Variants in MFNG observed in about 807,000 individuals in gnomAD.
The protein encoded by MFNG is beta-1,3-N-acetylglucosaminyltransferase manic fringe.
In MFNG, 24 loss-of-function variants were observed where a neutral mutation model predicts 34.2. That is an observed-to-expected ratio of 0.70 (90% CI 0.51 to 0.99). The LOEUF (loss-of-function observed/expected upper bound fraction) is 0.99, where lower values mean the gene tolerates loss of function less well. MFNG is among the 50% of genes least tolerant of loss of function. The probability of loss-of-function intolerance (pLI) is 0.00; values close to 1 mark genes in which losing one functional copy is unlikely to be tolerated. For synonymous variants in MFNG, 158 were observed against 179.2 expected (o/e 0.88, Z 0.94); for missense variants, 383 against 424.0 (o/e 0.90, Z 0.85).
Position 37,485,352 on chromosome 22 carries a change from C to G in MFNG, c.255+571G>C, listed in dbSNP as rs536441124. 2.1e-4 allele frequency among the ~76,000 whole-genome samples: 32 copies of G among 152,350 alleles called. No homozygotes were observed. Among genetic ancestry groups the G allele is most frequent in the African/African-American group, 7.2e-4 (30 of 41,584 alleles). ...CCAGACATGGCGGCCTCGGCACACC[C>G]GGGGCAGCAGAGACACAGCGGCAGG... On this transcript the variant is annotated intron_variant, in intron 1 of 7. Coordinates refer to ENST00000356998, the MANE Select transcript of MFNG (RefSeq NM_002405.4). The surrounding 1 kb of genome is among the most constrained non-coding windows in gnomAD (Gnocchi z 5.3).
intron 5 of MFNG, among the ~76,000 whole-genome samples, chr22:37,475,804 G>A (rs1468547986): frequency 6.6e-6 from 1 of 152,322 alleles, no homozygotes; most frequent in South Asian, 2.1e-4. Flanking sequence ...TTTAGAGGTG[G>A]GCAGAAGCCT....
At chr22:37,475,625 C>T (rs1417081315) in intron 5 of MFNG, among the ~76,000 whole-genome samples, 1 of 152,148 alleles carries the variant, frequency 6.6e-6, no homozygotes, top group Non-Finnish European at 1.5e-5. Flanking sequence ...ATGCCGCTGC[C>T]CTGGATGCTT....
chr22:37,470,039 G>A lies in MFNG; in HGVS notation c.900-10C>T. On this transcript the variant is annotated splice_polypyrimidine_tract_variant and intron_variant, in intron 7 of 7. Transcript: ENST00000356998. ...ATGGAGGGAGCGAAATCTGCAGAGAGACCAGAAAAGGACAGGATGGTCACC... is the reference window on the plus strand; with the variant it reads ...ATGGAGGGAGCGAAATCTGCAGAGAAACCAGAAAAGGACAGGATGGTCACC... 1 of 1,594,188 alleles carries A rather than the reference G, an allele frequency of 6.3e-7. No individual in the cohort carries two copies. The highest frequency in any genetic ancestry group is 8.6e-7 in the Non-Finnish European group (1 of 1,168,332).
rs565237800 is a variant in MFNG, at chr22:37,485,107, G to A, written c.255+816C>T. On this transcript the variant is annotated intron_variant, in intron 1 of 7. Transcript: ENST00000356998. The surrounding 1 kb of genome is among the most constrained non-coding windows in gnomAD (Gnocchi z 5.3). Reference sequence around the variant, plus strand: ...GAAAGGGCTGGAAGGGACTTGGCTCGCCGGAGCCGCACAGCCATGTGACAG... The same window carrying A: ...GAAAGGGCTGGAAGGGACTTGGCTCACCGGAGCCGCACAGCCATGTGACAG... 7.8e-4 allele frequency among the ~76,000 whole-genome samples: 118 copies of A among 152,188 alleles called. No individual in the cohort carries two copies. The highest frequency in any genetic ancestry group is 3.8e-4 in the Non-Finnish European group (26 of 67,998).
At chr22:37,472,075 T>C (rs1921830481) in intron 7 of MFNG, among the ~76,000 whole-genome samples, 1 of 151,632 alleles carries the variant, frequency 6.6e-6, no homozygotes, top group Non-Finnish European at 1.5e-5. Flanking sequence ...AAAATAAAAA[T>C]CCCCCACCAG....
chr22:37,474,602 G>A lies in MFNG; in HGVS notation c.723C>T (p.Cys241=), dbSNP rs769624596. Residue 241 remains cysteine, a synonymous_variant, in exon 6 of 8, where the codon TGC becomes TGT. Transcript: ENST00000356998. ...DDCTMGYIIE[C]KLGGRLQPSP... ...TGGGCTGCAGGCGGCCGCCCAGCTTGCACTCAATGATATAGCCCATGGTGC... is the reference window on the plus strand; with the variant it reads ...TGGGCTGCAGGCGGCCGCCCAGCTTACACTCAATGATATAGCCCATGGTGC... 2 of 1,614,142 alleles carry A rather than the reference G, an allele frequency of 1.2e-6. No homozygotes were observed. Among genetic ancestry groups the A allele is most frequent in the South Asian group, 1.1e-5 (1 of 91,074 alleles).
Position 37,485,861 on chromosome 22 carries a change from G to A in MFNG, c.255+62C>T, listed in dbSNP as rs1384555832. On this transcript the variant is annotated intron_variant, in intron 1 of 7. Transcript: ENST00000356998. The surrounding 1 kb of genome is among the most constrained non-coding windows in gnomAD (Gnocchi z 5.3). ...GTCAGGGACCCCAGCCCAGTAGAAA[G>A]GCCTCTGAGAACCCCTTAGGCCAGG... 12 of 1,544,210 alleles carry A rather than the reference G, an allele frequency of 7.8e-6. No individual in the cohort carries two copies. Among genetic ancestry groups the A allele is most frequent in the Non-Finnish European group, 1.1e-5 (12 of 1,142,182 alleles).
chr22:37,469,903 C>T lies in MFNG; in HGVS notation c.*60G>A. ...CACTTGCCAGGGACCCACAGTGCCACCTTGGGAGCCAAGGCACACCCAGAA... is the reference window on the plus strand; with the variant it reads ...CACTTGCCAGGGACCCACAGTGCCATCTTGGGAGCCAAGGCACACCCAGAA... On this transcript the variant is annotated 3_prime_UTR_variant, in exon 8 of 8. Coordinates refer to ENST00000356998, the MANE Select transcript of MFNG (RefSeq NM_002405.4). 7.2e-7 allele frequency: 1 copy of T among 1,390,494 alleles called. No individual in the cohort carries two copies. The highest frequency in any genetic ancestry group is 1.0e-6 in the Non-Finnish European group (1 of 996,736). 86.1% of individuals were successfully genotyped at this position (1,390,494 alleles called of 1,614,324 possible).
chr22:37,474,788 G>A, intron 5 of MFNG, 111 bp from the exon 6 acceptor site: 1 of 1,187,768 alleles, frequency 8.4e-7, no homozygotes, highest in Admixed American at 2.7e-5. Context: ...CAGAGCACCT[G>A]CCTCCTGCAT....
At chr22:37,484,520 CCCTCAGG>C (rs1922450109) in intron 1 of MFNG, 1 of 152,408 alleles carries the variant, frequency 6.6e-6, no homozygotes, top group South Asian at 2.1e-4. Flanking sequence ...GGGCTCTGTC[CCCTCAGG>C]CCTTCTGCGT....
rs532305237 is a variant in MFNG, at chr22:37,473,233, T to C, written c.814-705A>G. On this transcript the variant is annotated intron_variant, in intron 6 of 7. Coordinates refer to ENST00000356998, the MANE Select transcript of MFNG (RefSeq NM_002405.4). ...CAGGTGGATTACTTGAGGTCAGGAGTTCGAGACCAGCCTGGCCAACATGGT... is the reference window on the plus strand; with the variant it reads ...CAGGTGGATTACTTGAGGTCAGGAGCTCGAGACCAGCCTGGCCAACATGGT... Among the ~76,000 whole-genome samples the C allele has an allele frequency of 2.6e-5, 4 of 151,812 alleles. No individual in the cohort carries two copies. In the East Asian group the frequency reaches 7.8e-4, roughly 29 times the overall value.
chr22:37,473,932 G>A (rs1023121027), intron 6 of MFNG, among the ~76,000 whole-genome samples: 2 of 152,216 alleles, frequency 1.3e-5, no homozygotes, highest in African/African-American at 2.4e-5. Flanking sequence ...CAGCCTCTCC[G>A]AGGCAGAGCC....
intron 7 of MFNG, 41 bp downstream of exon 7, chr22:37,472,402 C>T (rs1359701225): frequency 2.7e-6 from 4 of 1,468,164 alleles, no homozygotes; most frequent in Non-Finnish European, 3.7e-6. Context: ...CTGGACTCAG[C>T]CCCCACTCCT....
At chr22:37,471,552 C>T (rs1170468543) in intron 7 of MFNG, among the ~76,000 whole-genome samples, 2 of 152,080 alleles carry the variant, frequency 1.3e-5, no homozygotes, top group South Asian at 2.1e-4. Flanking sequence ...ATAGCTGGGC[C>T]GGGGGCAGCG....
At chr22:37,480,109 G>C in intron 3 of MFNG, 88 bp downstream of exon 3, 2 of 1,023,144 alleles carry the variant, frequency 2.0e-6, no homozygotes, top group Non-Finnish European at 2.9e-6. Context: ...CTAGAGGAGT[G>C]GGGGCTGAAG....
intron 6 of MFNG, among the ~76,000 whole-genome samples, chr22:37,473,788 G>C (rs1303775151): frequency 6.6e-6 from 1 of 152,220 alleles, no homozygotes; most frequent in African/African-American, 2.4e-5. Context: ...GGCCAACTTG[G>C]GGGAGAGCTT....
chr22:37,476,774 G>A (rs539221401), intron 5 of MFNG, 122 bp downstream of exon 5: 45 of 807,936 alleles, frequency 5.6e-5, no homozygotes, highest in Non-Finnish European at 4.6e-5. Flanking sequence ...TGTGACACAC[G>A]CAAATGAGGA....
Position 37,486,264 on chromosome 22 carries a change from A to G in MFNG, c.-87T>C. The G allele has an allele frequency of 7.2e-7, 1 of 1,394,212 alleles. No homozygotes were observed. Among genetic ancestry groups the G allele is most frequent in the Non-Finnish European group, 9.4e-7 (1 of 1,065,770 alleles). 86.4% of individuals were successfully genotyped at this position (1,394,212 alleles called of 1,614,324 possible). A position where few individuals can be genotyped will look rare whatever the true frequency, so the allele number is the denominator to read the frequency against. ...GCTGGTCAGGCAGGGGCTCCAGCAGAGGCAAAAGTCTGGCAGGCATCAGGG... is the reference window on the plus strand; with the variant it reads ...GCTGGTCAGGCAGGGGCTCCAGCAGGGGCAAAAGTCTGGCAGGCATCAGGG... On this transcript the variant is annotated 5_prime_UTR_variant, in exon 1 of 8. Transcript: ENST00000356998.
At chr22:37,470,075 G>T in intron 7 of MFNG, 46 bp from the exon 8 acceptor site, 1 of 1,455,668 alleles carries the variant, frequency 6.9e-7, no homozygotes, top group African/African-American at 1.4e-5. Context: ...CCCCACTTCT[G>T]CTCTCAGCCC....
Sources: allele counts gnomAD v4.1 joint callset (sites outside exome capture counted in the v4.1 genomes callset), GRCh38; gene constraint gnomAD v4.1.1; non-coding constraint Gnocchi (gnomAD v3.1); transcripts MANE v1.5; gene names NCBI Gene and HGNC (gene_info 2026-07-23, HGNC 2026-07-21).